NME3: variants seen among roughly 807,000 people sequenced by gnomAD.
The protein encoded by NME3 is NME/NM23 nucleoside diphosphate kinase 3.
NME3 carries 23 observed loss-of-function variants against 15.8 expected under a neutral mutation model. That is an observed-to-expected ratio of 1.45 (90% CI 1.05 to 2.06). The LOEUF (loss-of-function observed/expected upper bound fraction) is 2.06. NME3 is among the 30% of genes most tolerant of loss of function. NME3 has a pLI of 0.00. For synonymous variants in NME3, 157 were observed against 104.4 expected (o/e 1.50, Z -3.07); for missense variants, 354 against 243.2 (o/e 1.46, Z -3.03).
intron 1 of NME3, 23 bp from the exon 2 acceptor site, chr16:1,771,433 C>T (rs1188095043): frequency 6.6e-7 from 1 of 1,511,526 alleles, no homozygotes; most frequent in Non-Finnish European, 8.8e-7. Flanking sequence ...CGGGGACGGG[C>T]CGTCAGGCCG....
chr16:1,770,511 C>CAA lies in NME3; in HGVS notation c.*136_*137dup. The stretch of plus-strand genomic sequence containing the variant: ...GGAGAGGCCTGCGCCACCCTCCATG[C>CAA]AACGTCCAGACAGGTGGATGTTCAG... On this transcript the variant is annotated 3_prime_UTR_variant, in exon 5 of 5. Transcript: ENST00000219302. The CAA allele has an allele frequency of 1.5e-6, 1 of 649,590 alleles. No individual in the cohort carries two copies. Among genetic ancestry groups the CAA allele is most frequent in the Non-Finnish European group, 2.5e-6 (1 of 396,296 alleles). 40.2% of individuals were successfully genotyped at this position (649,590 alleles called of 1,614,324 possible).
rs1378035145 is a variant in NME3 at position 1,770,647 on chromosome 16, G to A, written c.*2C>T. Reference sequence around the variant, plus strand: ...GAGCCTCTGTGACGCGCATCTGCCGGGCTACTCATACAGCCAGTGCCCAGC... The same window carrying A: ...GAGCCTCTGTGACGCGCATCTGCCGAGCTACTCATACAGCCAGTGCCCAGC... On this transcript the variant is annotated 3_prime_UTR_variant, in exon 5 of 5. Transcript: ENST00000219302. 4 of 1,572,490 alleles carry A rather than the reference G, an allele frequency of 2.5e-6. No homozygotes were observed. Among genetic ancestry groups the A allele is most frequent in the Non-Finnish European group, 3.5e-6 (4 of 1,157,818 alleles).
rs190811603 is a variant in NME3, at chr16:1,770,515, G to A, written c.*134C>T. On this transcript the variant is annotated 3_prime_UTR_variant, in exon 5 of 5. Transcript: ENST00000219302. ...AGGCCTGCGCCACCCTCCATGCAAC[G>A]TCCAGACAGGTGGATGTTCAGCAGC... The A allele has an allele frequency of 2.8e-5, 19 of 671,344 alleles. No individual in the cohort carries two copies. Among genetic ancestry groups the A allele is most frequent in the East Asian group, 2.3e-4 (8 of 34,264 alleles). The allele number at this position is 671,344 out of a possible 1,614,324, so 41.6% of individuals were successfully genotyped here.
In NME3 at chr16:1,771,365, T is replaced by C; in HGVS notation, c.92A>G (p.Asp31Gly). ...HERTFLAVKP[D>G]GVQRRLVGEI... Reference sequence around the variant, plus strand: ...GCCCACCAGCCGCCGCTGCACGCCGTCCGGCTTCACGGCCAGGAAGGTGCG... The same window carrying C: ...GCCCACCAGCCGCCGCTGCACGCCGCCCGGCTTCACGGCCAGGAAGGTGCG... The change falls in exon 2 of 5, where the codon GAC becomes GGC. Residue 31 changes from aspartate to glycine, a missense_variant. Asp to Gly is a moderately conservative substitution (Grantham distance 94). Transcript: ENST00000219302. The C allele has an allele frequency of 6.3e-7, 1 of 1,580,890 alleles. No homozygotes were observed. The highest frequency in any genetic ancestry group is 1.3e-5 in the African/African-American group (1 of 74,088).
intron 2 of NME3, 35 bp from the exon 3 acceptor site, chr16:1,771,206 G>C (rs1596838223): frequency 6.3e-7 from 1 of 1,576,018 alleles, no homozygotes; most frequent in Non-Finnish European, 8.6e-7. Context: ...GCCCGCACCC[G>C]GCACCTAGGC....
At position 1,770,774 on chromosome 16, in the gene NME3, G is replaced by A. The variant is rs765519401; in HGVS notation, c.393-8C>T. On this transcript the variant is annotated splice_region_variant and splice_polypyrimidine_tract_variant and intron_variant, in intron 4 of 4. Coordinates refer to ENST00000219302, the MANE Select transcript of NME3 (RefSeq NM_002513.3). ...CTGCCGTGAATCAGGTTCCTGCGCGGAAGAGGCGCGTGTGAGCGTGGGAAA... is the reference window on the plus strand; with the variant it reads ...CTGCCGTGAATCAGGTTCCTGCGCGAAAGAGGCGCGTGTGAGCGTGGGAAA... 7 of 1,600,296 alleles carry A rather than the reference G, an allele frequency of 4.4e-6. No individual in the cohort carries two copies. Among genetic ancestry groups the A allele is most frequent in the South Asian group, 1.1e-5 (1 of 90,172 alleles).
Position 1,770,735 on chromosome 16 carries a change from T to A in NME3, c.424A>T (p.Ser142Cys), listed in dbSNP as rs758211959. ...CAGAGAGCGATCTCGCGGCGGGCAC[T>A]CTCCACCGAGTCGCTGCCGTGAATC... Reference protein sequence around the residue: ...NLIHGSDSVESARREIALWFR... With the variant: ...NLIHGSDSVECARREIALWFR... Residue 142 changes from serine to cysteine, a missense_variant, in exon 5 of 5, where the codon AGT becomes TGT. Coordinates refer to ENST00000219302, the MANE Select transcript of NME3 (RefSeq NM_002513.3). The A allele has an allele frequency of 7.5e-6, 12 of 1,595,968 alleles. No homozygotes were observed. Among genetic ancestry groups the A allele is most frequent in the Middle Eastern group, 1.7e-4 (1 of 6,044 alleles).
At position 1,770,456 on chromosome 16, in the gene NME3, T is replaced by G. The variant is rs1229127485; in HGVS notation, c.*193A>C. 4.2e-6 allele frequency: 2 copies of G among 477,250 alleles called. No individual in the cohort carries two copies. The highest frequency in any genetic ancestry group is 2.0e-5 in the African/African-American group (1 of 49,746). 29.6% of individuals were successfully genotyped at this position (477,250 alleles called of 1,614,324 possible). ...CCGCGCAGGCTCCTGGAGCAGCTCC[T>G]CGGGCAGGAAACCCTGTACGCCAGG... On this transcript the variant is annotated 3_prime_UTR_variant, in exon 5 of 5. Coordinates refer to ENST00000219302, the MANE Select transcript of NME3 (RefSeq NM_002513.3).
chr16:1,771,310 G>A lies in NME3; in HGVS notation c.147C>T (p.Gly49=), dbSNP rs993703172. ...GEIVRRFERK[G]FKLVALKLVQ... Reference sequence around the variant, plus strand: ...CCAGCTTCAGCGCCACCAACTTGAAGCCCTTCCTCTCGAAGCGCCGCACAA... The same window carrying A: ...CCAGCTTCAGCGCCACCAACTTGAAACCCTTCCTCTCGAAGCGCCGCACAA... The change falls in exon 2 of 5, where the codon GGC becomes GGT. Residue 49 remains glycine, a synonymous_variant. Coordinates refer to ENST00000219302, the MANE Select transcript of NME3 (RefSeq NM_002513.3). The A allele has an allele frequency of 1.0e-5, 16 of 1,606,326 alleles. No individual in the cohort carries two copies. In the East Asian group the frequency reaches 1.6e-4, roughly 16 times the overall value.
intron 3 of NME3, 35 bp from the exon 4 acceptor site, chr16:1,771,028 G>A (rs756656996): frequency 6.3e-7 from 1 of 1,595,130 alleles, no homozygotes; most frequent in African/African-American, 1.3e-5. Flanking sequence ...TCACGCGGGG[G>A]TGGGGGTCCC....
At position 1,771,069 on chromosome 16, in the gene NME3, C is replaced by T; in HGVS notation, c.279+1G>A. 2 of 1,606,804 alleles carry T rather than the reference C, an allele frequency of 1.2e-6. No individual in the cohort carries two copies. The highest frequency in any genetic ancestry group is 1.7e-6 in the Non-Finnish European group (2 of 1,176,788). On this transcript the variant is annotated splice_donor_variant, in intron 3 of 4. Coordinates refer to ENST00000219302, the MANE Select transcript of NME3 (RefSeq NM_002513.3). LOFTEE classifies it high-confidence loss of function. ...CGCCCGCCCGCTTCCCGGATACTCA[C>T]CATGGCCACCACCGGCCCGGAGGCC...
chr16:1,770,469 C>A lies in NME3; in HGVS notation c.*180G>T. ...TGGAGCAGCTCCTCGGGCAGGAAAC[C>A]CTGTACGCCAGGGATTGGAGAGGCC... On this transcript the variant is annotated 3_prime_UTR_variant, in exon 5 of 5. Coordinates refer to ENST00000219302, the MANE Select transcript of NME3 (RefSeq NM_002513.3). 3 of 491,048 alleles carry A rather than the reference C, an allele frequency of 6.1e-6. No homozygotes were observed. Among genetic ancestry groups the A allele is most frequent in the Non-Finnish European group, 1.1e-5 (3 of 283,208 alleles). The allele number at this position is 491,048 out of a possible 1,614,324, so 30.4% of individuals were successfully genotyped here. A position where few individuals can be genotyped will look rare whatever the true frequency, so the allele number is the denominator to read the frequency against.
Position 1,770,529 on chromosome 16 carries a change from A to G in NME3, c.*120T>C, listed in dbSNP as rs957620594. 3 of 720,590 alleles carry G rather than the reference A, an allele frequency of 4.2e-6. No individual in the cohort carries two copies. The African/African-American group carries it at 5.4e-5, about 13-fold the overall frequency. 44.6% of individuals were successfully genotyped at this position (720,590 alleles called of 1,614,324 possible). A position where few individuals can be genotyped will look rare whatever the true frequency, so the allele number is the denominator to read the frequency against. On this transcript the variant is annotated 3_prime_UTR_variant, in exon 5 of 5. Transcript: ENST00000219302. ...CTCCATGCAACGTCCAGACAGGTGG[A>G]TGTTCAGCAGCCCGTCCAAAGGGAT... is the stretch of plus-strand genomic sequence containing the variant.
rs779987362 is a variant in NME3 at position 1,770,661 on chromosome 16, C to G, written c.498G>C (p.Trp166Cys). The G allele has an allele frequency of 1.9e-6, 3 of 1,580,366 alleles. No individual in the cohort carries two copies. The highest frequency in any genetic ancestry group is 2.6e-6 in the Non-Finnish European group (3 of 1,163,310). Residue 166 changes from tryptophan (W) to cysteine (C), a missense_variant, in exon 5 of 5, where the codon TGG becomes TGC. Transcript: ENST00000219302. ...CGCATCTGCCGGGCTACTCATACAG[C>G]CAGTGCCCAGCGCTGTCCTCCCAGC... ...LLCWEDSAGHWLYE is the reference protein window; with the variant it reads ...LLCWEDSAGHCLYE
Position 1,770,941 on chromosome 16 carries a change from G to A in NME3, c.332C>T (p.Thr111Met). The change falls in exon 4 of 5, where the codon ACG (threonine) becomes ATG (methionine). Residue 111 changes from threonine to methionine, a missense_variant. Thr to Met is a moderately conservative substitution (Grantham distance 81). Transcript: ENST00000219302. ...GCCGGGCGGGGCGTCGGCCGGGTTCGTGGCTCCGATGAGCGCCCGCGAGGT... is the reference window on the plus strand; with the variant it reads ...GCCGGGCGGGGCGTCGGCCGGGTTCATGGCTCCGATGAGCGCCCGCGAGGT... The part of the protein sequence containing the change: ...VRTSRALIGA[T>M]NPADAPPGTI... The A allele has an allele frequency of 6.3e-7, 1 of 1,587,588 alleles. No homozygotes were observed.
chr16:1,770,764 T>G lies in NME3; in HGVS notation c.395A>C (p.Asn132Thr). ...RGDFCIEVGK[N>T]LIHGSDSVES... ...CACCGAGTCGCTGCCGTGAATCAGG[T>G]TCCTGCGCGGAAGAGGCGCGTGTGA... is the stretch of plus-strand genomic sequence containing the variant. Residue 132 changes from asparagine to threonine, a missense_variant and splice_region_variant, in exon 5 of 5, where the codon AAC (asparagine) becomes ACC (threonine). By Grantham distance (65) the Asn-to-Thr change is moderately conservative (BLOSUM62 0). Transcript: ENST00000219302. 1 of 1,600,882 alleles carries G rather than the reference T, an allele frequency of 6.2e-7. No individual in the cohort carries two copies. Among genetic ancestry groups the G allele is most frequent in the Non-Finnish European group, 8.5e-7 (1 of 1,174,474 alleles).
chr16:1,770,385 G>A lies in NME3; in HGVS notation c.*264C>T. Reference sequence around the variant, plus strand: ...TTATTATAAAAAAACGTTGGACCACGTTGGGCTGGGCACCAGGACAGTGTC... The same window carrying A: ...TTATTATAAAAAAACGTTGGACCACATTGGGCTGGGCACCAGGACAGTGTC... On this transcript the variant is annotated 3_prime_UTR_variant, in exon 5 of 5. Coordinates refer to ENST00000219302, the MANE Select transcript of NME3 (RefSeq NM_002513.3). The A allele has an allele frequency of 4.9e-6, 2 of 404,232 alleles. No individual in the cohort carries two copies. Among genetic ancestry groups the A allele is most frequent in the Non-Finnish European group, 8.8e-6 (2 of 227,948 alleles). The allele number at this position is 404,232 out of a possible 1,614,324, so 25.0% of individuals were successfully genotyped here.
At position 1,770,920 on chromosome 16, in the gene NME3, G is replaced by C; in HGVS notation, c.353C>G (p.Pro118Arg). The C allele has an allele frequency of 2.5e-6, 4 of 1,588,644 alleles. No individual in the cohort carries two copies. Among genetic ancestry groups the C allele is most frequent in the Non-Finnish European group, 3.4e-6 (4 of 1,164,126 alleles). Reference protein sequence around the residue: ...IGATNPADAPPGTIRGDFCIE... With the variant: ...IGATNPADAPRGTIRGDFCIE... ...GCAGAAATCCCCGCGGATGGTGCCG[G>C]GCGGGGCGTCGGCCGGGTTCGTGGC... The change falls in exon 4 of 5, where the codon CCC becomes CGC. Residue 118 changes from proline to arginine, a missense_variant. Transcript: ENST00000219302.
In NME3 at chr16:1,771,493, G is replaced by A. The variant is rs570087998; in HGVS notation, c.42C>T (p.Pro14=). Residue 14 remains proline, a synonymous_variant, in exon 1 of 5, where the codon CCC becomes CCT. Coordinates refer to ENST00000219302, the MANE Select transcript of NME3 (RefSeq NM_002513.3). The stretch of plus-strand genomic sequence containing the variant: ...GGCCCGCGCCGCGCGGCTCACCCGC[G>A]GGGAAGAGGTTAGCGAAGATGGTCA... ...LVLTIFANLF[P]AACTGAHERT... is the part of the protein sequence containing the mutation. 7.6e-6 allele frequency: 10 copies of A among 1,315,748 alleles called. No homozygotes were observed. In the African/African-American group the frequency reaches 1.1e-4, roughly 14 times the overall value. 81.5% of individuals were successfully genotyped at this position (1,315,748 alleles called of 1,614,324 possible). A position where few individuals can be genotyped will look rare whatever the true frequency, so the allele number is the denominator to read the frequency against.
Sources: allele counts gnomAD v4.1 joint callset, GRCh38; gene constraint gnomAD v4.1.1; transcripts MANE v1.5; gene names NCBI Gene and HGNC (gene_info 2026-07-23, HGNC 2026-07-21).